ANKFN1: variants seen among roughly 807,000 people sequenced by gnomAD.
ANKFN1 encodes the protein ankyrin repeat and fibronectin type III domain containing 1.
In ANKFN1, 74 loss-of-function variants were observed where a neutral mutation model predicts 108.7. The observed-to-expected ratio is 0.68, with a 90% CI of 0.56 to 0.83. The LOEUF (loss-of-function observed/expected upper bound fraction) is 0.83. ANKFN1 is among the 40% of genes least tolerant of loss of function. The pLI, the probability that ANKFN1 is intolerant of heterozygous loss-of-function variation, is 0.00. For missense variants in ANKFN1, 1,505 were observed against 1,382.3 expected, an observed-to-expected ratio of 1.09 and a Z score of -1.41; for synonymous variants, 547 against 516.2, an observed-to-expected ratio of 1.06 and a Z score of -0.81.
upstream of ANKFN1, among the ~76,000 whole-genome samples, chr17:56,149,722 T>G (rs1908481489): frequency 6.6e-6 from 1 of 152,226 alleles, no homozygotes; most frequent in African/African-American, 2.4e-5. Flanking sequence ...GAAGTATGCT[T>G]GAGGCCAGTG....
intron 18 of ANKFN1, among the ~76,000 whole-genome samples, chr17:56,487,451 C>T (rs564870764): frequency 6.6e-5 from 10 of 151,952 alleles, no homozygotes; most frequent in African/African-American, 1.4e-4. Flanking sequence ...AACTGACAGC[C>T]GGCCTATGAC....
chr17:56,103,457 T>C (rs1905686522), intron 4 of ANKFN1, among the ~76,000 whole-genome samples: 1 of 152,086 alleles, frequency 6.6e-6, no homozygotes, highest in African/African-American at 2.4e-5. Context: ...GAGAGCAGCA[T>C]GTATCATGGG....
chr17:56,174,308 G>C (rs1295398280), intron 1 of ANKFN1: 24 of 985,466 alleles, frequency 2.4e-5, no homozygotes, highest in Non-Finnish European at 2.9e-5. Flanking sequence ...CTAGCCAGGG[G>C]ACCCTGGAGC....
chr17:56,427,775 T>C lies in ANKFN1; in HGVS notation c.911-12552T>C, dbSNP rs186744468. Among the ~76,000 whole-genome samples the C allele has an allele frequency of 5.6e-3, 859 of 152,248 alleles. 13 individuals carry two copies. Among genetic ancestry groups the C allele is most frequent in the Non-Finnish European group, 7.8e-3 (531 of 68,018 alleles). Reference sequence around the variant, plus strand: ...ATCCATTTATTACTTTCTCCCCATATGGATTTGGGAGGCAGATAAGAGAGA... The same window carrying C: ...ATCCATTTATTACTTTCTCCCCATACGGATTTGGGAGGCAGATAAGAGAGA... On this transcript the variant is annotated intron_variant, in intron 8 of 20. Transcript: ENST00000682825.
rs149375533 is a variant in ANKFN1 at position 56,415,909 on chromosome 17, A to G, written c.911-24418A>G. ...GAATACATAATCCAGAAACAAATCG[A>G]TACACCTACAGTAAGCTCATTTTCA... is the stretch of plus-strand genomic sequence containing the variant. On this transcript the variant is annotated intron_variant, in intron 8 of 20. Transcript: ENST00000682825. Among the ~76,000 whole-genome samples, 408 of 152,272 alleles carry G rather than the reference A, an allele frequency of 2.7e-3. 1 individual carries two copies. The highest frequency in any genetic ancestry group is 9.2e-3 in the African/African-American group (381 of 41,558).
chr17:56,178,030 GC>G (rs1486516923), intron 1 of ANKFN1, among the ~76,000 whole-genome samples: 1 of 152,170 alleles, frequency 6.6e-6, no homozygotes, highest in Non-Finnish European at 1.5e-5. Flanking sequence ...AATGTAACCA[GC>G]CCTTAAAATT....
chr17:56,163,033 C>G (rs1028079518), intron 1 of ANKFN1, among the ~76,000 whole-genome samples: 1 of 145,968 alleles, frequency 6.9e-6, no homozygotes. Context: ...GAGACTCCAT[C>G]TCAAAAAAAA....
At chr17:56,469,260 C>T (rs1009580199) in intron 15 of ANKFN1, among the ~76,000 whole-genome samples, 3 of 150,686 alleles carry the variant, frequency 2.0e-5, no homozygotes, top group African/African-American at 2.4e-5. Context: ...CTTCTTCTCT[C>T]TCCCCTCCTT....
rs569554163 is a variant in ANKFN1, at chr17:56,056,832, T to A, written c.288+10507T>A. 5.3e-5 allele frequency among the ~76,000 whole-genome samples: 8 copies of A among 152,326 alleles called. No individual in the cohort carries two copies. The South Asian group carries it at 6.2e-4, about 12-fold the overall frequency. ...ATGAAAATAGATAAATTGGCAATTT[T>A]AAAAAATAACAGTGAAGTTTGCTGC... is the stretch of plus-strand genomic sequence containing the variant. On this transcript the variant is annotated intron_variant, in intron 4 of 12. Coordinates refer to the ANKFN1 transcript ENST00000635860.
chr17:56,292,737 A>C (rs906556727), intron 3 of ANKFN1, among the ~76,000 whole-genome samples: 13 of 152,174 alleles, frequency 8.5e-5, no homozygotes, highest in Non-Finnish European at 1.6e-4. Context: ...GGGAAAAAAA[A>C]ACCACTGCCA....
intron 15 of ANKFN1, 38 bp from the exon 16 acceptor site, chr17:56,477,450 T>G: frequency 6.6e-7 from 1 of 1,514,368 alleles, no homozygotes; most frequent in South Asian, 1.3e-5. Context: ...TCGAGTTGTT[T>G]TCTTGTTTTC....
At chr17:56,055,672 T>C (rs546207309) in intron 4 of ANKFN1, among the ~76,000 whole-genome samples, 11 of 147,742 alleles carry the variant, frequency 7.4e-5, no homozygotes, top group South Asian at 2.1e-4. Flanking sequence ...TTGTGAATAA[T>C]GCTGCAATGA....
chr17:56,365,919 C>T (rs559620063), intron 6 of ANKFN1, among the ~76,000 whole-genome samples: 1 of 152,176 alleles, frequency 6.6e-6, no homozygotes, highest in South Asian at 2.1e-4. Flanking sequence ...AGACTGCACT[C>T]CTTCTAATTA....
At chr17:56,508,985 C>G (rs1342443825) in intron 20 of ANKFN1, among the ~76,000 whole-genome samples, 1 of 152,204 alleles carries the variant, frequency 6.6e-6, no homozygotes, top group Non-Finnish European at 1.5e-5. Flanking sequence ...GCCCCAACAG[C>G]TGGGGCAGCT....
At chr17:56,254,024 T>G (rs1270856786) in intron 3 of ANKFN1, 1 of 152,258 alleles carries the variant, frequency 6.6e-6, no homozygotes, top group Middle Eastern at 3.2e-3. Context: ...TCATATATTC[T>G]GTCAAGAATT....
Position 56,326,350 on chromosome 17 carries a change from A to G in ANKFN1, c.183A>G (p.Ile61Met). ...TTCSSAASNS[I>M]NWNCRVKMTQ... ...GTTCCTCTGCTGCCTCGAACAGCAT[A>G]AACTGGTAAGTCAAATTTACTGTTG... The change falls in exon 4 of 21, where the codon ATA becomes ATG. Residue 61 changes from isoleucine (I) to methionine (M), a missense_variant. Ile to Met is a conservative substitution (Grantham distance 10). Coordinates refer to ENST00000682825, the MANE Select transcript of ANKFN1 (RefSeq NM_001370326.1). 6.2e-7 allele frequency: 1 copy of G among 1,608,400 alleles called. No individual in the cohort carries two copies. Among genetic ancestry groups the G allele is most frequent in the South Asian group, 1.1e-5 (1 of 89,600 alleles).
intron 4 of ANKFN1, among the ~76,000 whole-genome samples, chr17:56,344,086 T>C (rs2046032709): frequency 6.6e-6 from 1 of 152,018 alleles, no homozygotes; most frequent in African/African-American, 2.4e-5. Context: ...GAATCATTTC[T>C]ATTGACTGCT....
chr17:56,480,600 T>G, intron 16 of ANKFN1, 68 bp from the exon 17 acceptor site: 1 of 1,534,808 alleles, frequency 6.5e-7, no homozygotes, highest in South Asian at 1.2e-5. Context: ...ACACATACAC[T>G]AAGAAAGTTC....
intron 3 of ANKFN1, among the ~76,000 whole-genome samples, chr17:56,302,267 G>A (rs1301223986): frequency 6.6e-6 from 1 of 152,172 alleles, no homozygotes; most frequent in Non-Finnish European, 1.5e-5. Context: ...AAAAATGCCG[G>A]TAATCCCGTT....
Sources: allele counts gnomAD v4.1 joint callset (sites outside exome capture counted in the v4.1 genomes callset), GRCh38; gene constraint gnomAD v4.1.1; transcripts MANE v1.5; gene names NCBI Gene and HGNC (gene_info 2026-07-23, HGNC 2026-07-21).